SLIT2: variants seen among roughly 807,000 people sequenced by gnomAD.
The protein encoded by SLIT2 is slit homolog 2 protein.
SLIT2 carries 41 observed loss-of-function variants against 185.7 expected under a neutral mutation model. That is an observed-to-expected ratio of 0.22 (90% confidence interval 0.17 to 0.29). The LOEUF (loss-of-function observed/expected upper bound fraction) is 0.29, where lower values mean the gene tolerates loss of function less well. Ranked by LOEUF, SLIT2 falls within the 10% of genes least tolerant of loss-of-function variation. SLIT2 has a pLI of 1.00. For missense variants in SLIT2, 1,571 were observed against 1,909.0 expected (o/e 0.82, Z 3.30); for synonymous variants, 693 against 680.2 (o/e 1.02, Z -0.29).
chr4:20,466,510 CAA>C (rs79674154), intron 4 of SLIT2, among the ~76,000 whole-genome samples: 2 of 151,826 alleles, frequency 1.3e-5, no homozygotes, highest in South Asian at 2.1e-4. Flanking sequence ...AATTGCTTAG[CAA>C]AAAAACATTG....
At chr4:20,514,914 A>T (rs1304159473) in intron 11 of SLIT2, among the ~76,000 whole-genome samples, 1 of 152,166 alleles carries the variant, frequency 6.6e-6, no homozygotes, top group East Asian at 1.9e-4. Context: ...ATTTCTTTCA[A>T]TGTGACATCA....
intron 16 of SLIT2, 125 bp from the exon 17 acceptor site, chr4:20,531,859 T>C (rs1721839801): frequency 1.7e-6 from 1 of 581,912 alleles, no homozygotes; most frequent in Admixed American, 3.8e-5. Flanking sequence ...TCTTCTGTGA[T>C]TTATGTATTT....
At chr4:20,384,341 A>G (rs1466082428) in intron 4 of SLIT2, among the ~76,000 whole-genome samples, 2 of 152,172 alleles carry the variant, frequency 1.3e-5, no homozygotes, top group Non-Finnish European at 2.9e-5. Flanking sequence ...ATTCTGATAA[A>G]AAACAAATCC....
Position 20,610,098 on chromosome 4 carries a change from A to T in SLIT2, c.3778A>T (p.Asn1260Tyr). ...TCTCTCTTTGTCCGTGGATGGTGGG[A>T]ACCCCAAAATCATCACTAACTTGTC... Reference protein sequence around the residue: ...QSLSLSVDGGNPKIITNLSKQ... With the variant: ...QSLSLSVDGGYPKIITNLSKQ... The change falls in exon 34 of 37, where the codon AAC becomes TAC. Residue 1260 changes from asparagine (N) to tyrosine (Y), a missense_variant. This residue lies in a region of SLIT2 where 146 missense variants were observed against 247.4 expected (regional missense o/e 0.59). Coordinates refer to ENST00000504154, the MANE Select transcript of SLIT2 (RefSeq NM_004787.4). 1.2e-6 allele frequency: 2 copies of T among 1,613,832 alleles called. No individual in the cohort carries two copies. The highest frequency in any genetic ancestry group is 1.7e-6 in the Non-Finnish European group (2 of 1,179,788).
intron 4 of SLIT2, among the ~76,000 whole-genome samples, chr4:20,455,419 T>C (rs1712955302): frequency 6.6e-6 from 1 of 152,082 alleles, no homozygotes; most frequent in African/African-American, 2.4e-5. Context: ...TGGACTCTTA[T>C]TACACTAAGA....
intron 22 of SLIT2, among the ~76,000 whole-genome samples, chr4:20,548,157 T>A (rs1040635614): frequency 6.6e-6 from 1 of 152,058 alleles, no homozygotes; most frequent in Non-Finnish European, 1.5e-5. Context: ...ATCAAAAGCC[T>A]TATGGAGATG....
intron 4 of SLIT2, among the ~76,000 whole-genome samples, chr4:20,396,782 G>T (rs187516222): frequency 5.5e-5 from 8 of 145,526 alleles, no homozygotes; most frequent in Non-Finnish European, 7.6e-5. Flanking sequence ...TGCATATGTG[G>T]TTTTTTTTGT....
chr4:20,331,827 C>T (rs1185268046), intron 4 of SLIT2, among the ~76,000 whole-genome samples: 1 of 152,122 alleles, frequency 6.6e-6, no homozygotes, highest in Non-Finnish European at 1.5e-5. Context: ...TTTTCTGTCT[C>T]CATGTATTTG....
chr4:20,565,655 TGTA>T (rs1725031171), intron 26 of SLIT2, among the ~76,000 whole-genome samples: 1 of 151,922 alleles, frequency 6.6e-6, no homozygotes. Flanking sequence ...CTTTAGTTAT[TGTA>T]GTTACCAAGA....
At chr4:20,510,460 T>C in intron 9 of SLIT2, 35 bp from the exon 10 acceptor site, 1 of 1,404,970 alleles carries the variant, frequency 7.1e-7, no homozygotes, top group Non-Finnish European at 1.0e-6. Context: ...AAGGTTCACA[T>C]TTCCATTTAA....
At chr4:20,330,673 T>G (rs534358882) in intron 4 of SLIT2, among the ~76,000 whole-genome samples, 2 of 149,150 alleles carry the variant, frequency 1.3e-5, no homozygotes, top group Non-Finnish European at 1.5e-5. Flanking sequence ...TTCTCACAGT[T>G]GGTTTTGTGG....
intron 4 of SLIT2, among the ~76,000 whole-genome samples, chr4:20,454,190 A>G (rs1204347467): frequency 3.9e-5 from 6 of 152,192 alleles, no homozygotes; most frequent in Non-Finnish European, 7.3e-5. Flanking sequence ...CATGCTGCAT[A>G]ACCTGTGTGG....
intron 4 of SLIT2, among the ~76,000 whole-genome samples, chr4:20,418,843 G>A (rs749032219): frequency 1.1e-4 from 16 of 152,182 alleles, no homozygotes; most frequent in South Asian, 4.2e-4. Flanking sequence ...TTAAAAGAGA[G>A]AAAACAAATG....
intron 4 of SLIT2, among the ~76,000 whole-genome samples, chr4:20,306,699 T>A (rs935089873): frequency 1.5e-4 from 23 of 152,172 alleles, no homozygotes; most frequent in Non-Finnish European, 5.9e-5. Flanking sequence ...AAATCTTGCC[T>A]CTGTGCCTTT....
intron 4 of SLIT2, among the ~76,000 whole-genome samples, chr4:20,270,381 C>T (rs1234132535): frequency 6.6e-6 from 1 of 151,880 alleles, no homozygotes; most frequent in Non-Finnish European, 1.5e-5. Context: ...TTCTCCTTGA[C>T]ATTTTGCCAT....
chr4:20,290,676 G>A (rs1156974128), intron 4 of SLIT2, among the ~76,000 whole-genome samples: 1 of 151,600 alleles, frequency 6.6e-6, no homozygotes, highest in Non-Finnish European at 1.5e-5. Context: ...TTTTGCCAGT[G>A]TCTGGCATAT....
intron 21 of SLIT2, among the ~76,000 whole-genome samples, chr4:20,543,337 G>A (rs2148880876): frequency 6.6e-6 from 1 of 152,234 alleles, no homozygotes; most frequent in East Asian, 1.9e-4. Flanking sequence ...TCCCTTGGCT[G>A]CCTCATGCTA....
chr4:20,412,597 G>T (rs556460134), intron 4 of SLIT2, among the ~76,000 whole-genome samples: 2 of 151,968 alleles, frequency 1.3e-5, no homozygotes, highest in Non-Finnish European at 2.9e-5. Context: ...TTTTATTTCA[G>T]ATATCTGAGG....
chr4:20,388,822 T>C (rs1725151605), intron 4 of SLIT2, among the ~76,000 whole-genome samples: 2 of 144,536 alleles, frequency 1.4e-5, no homozygotes. Flanking sequence ...ATGTAAAATA[T>C]ATATAATATA....
Sources: gnomAD v4.1 joint callset for allele counts (sites outside exome capture counted in the v4.1 genomes callset) on GRCh38, gnomAD v4.1.1 for gene constraint, gnomAD v4.1.1 regional missense constraint, MANE v1.5 for transcripts, NCBI Gene and HGNC (gene_info 2026-07-23, HGNC 2026-07-21) for gene names.